MESP1: variants seen among roughly 807,000 people sequenced by gnomAD.
MESP1 encodes mesoderm posterior bHLH transcription factor 1, also known as mesoderm posterior protein 1.
Under a neutral mutation model 15.2 loss-of-function variants are expected in MESP1, and 22 were observed. The observed-to-expected ratio is 1.45, with a 90% confidence interval of 1.04 to 2.07. The LOEUF is 2.07. Among genes scored for constraint, MESP1 ranks in the 30% most tolerant of loss-of-function variants. The pLI, the probability that MESP1 is intolerant of heterozygous loss-of-function variation, is 0.00. For missense variants in MESP1, 484 were observed against 411.9 expected (o/e 1.17, Z -1.51); for synonymous variants, 216 against 192.6 (o/e 1.12, Z -1.01).
At chr15:89,746,437 C>CCGCATCCACAT (rs903237335), downstream of MESP1, among the ~76,000 whole-genome samples, 5 of 151,198 alleles carry the variant, frequency 3.3e-5, no homozygotes, top group Non-Finnish European at 5.9e-5. Flanking sequence ...CGCATCCACA[C>CCGCATCCACAT]CTCCACACAG....
chr15:89,750,456 G>T (rs1968062750), intron 1 of MESP1, 53 bp downstream of exon 1: 5 of 1,468,516 alleles, frequency 3.4e-6, no homozygotes, highest in Non-Finnish European at 4.5e-6. Flanking sequence ...GGCGGGCGGT[G>T]GGGCTGTGCG....
the MESP1 span, among the ~76,000 whole-genome samples, chr15:89,736,511 C>G: frequency 6.6e-6 from 1 of 152,036 alleles, no homozygotes; most frequent in East Asian, 1.9e-4. Flanking sequence ...CCCATGGGCA[C>G]TACCATCACT....
At position 89,750,609 on chromosome 15, in the gene MESP1, G is replaced by A; in HGVS notation, c.623C>T (p.Pro208Leu). The A allele has an allele frequency of 2.1e-6, 3 of 1,395,962 alleles. No individual in the cohort carries two copies. The highest frequency in any genetic ancestry group is 2.8e-6 in the Non-Finnish European group (3 of 1,083,952). 86.5% of individuals were successfully genotyped at this position (1,395,962 alleles called of 1,614,324 possible). The stretch of plus-strand genomic sequence containing the variant: ...CGGCTCGGGTGCAGCTCGGGCTCCG[G>A]GGCAGGCAGGCGGGGATCCCCAGGA... ...GASWGSPPAC[P>L]GARAAPEPRD... is the part of the protein sequence containing the mutation. The change falls in exon 1 of 2, where the codon CCC becomes CTC. Residue 208 changes from proline (P) to leucine (L), a missense_variant. Transcript: ENST00000300057.
chr15:89,738,290 G>A, the MESP1 span: 5 of 1,510,982 alleles, frequency 3.3e-6, no homozygotes, highest in Admixed American at 2.2e-5. Flanking sequence ...TCTCTGGATT[G>A]AGGGATAGTG....
At chr15:89,749,202 T>G (rs1277697928), downstream of MESP1, 2 of 152,052 alleles carry the variant, frequency 1.3e-5, no homozygotes, top group African/African-American at 4.8e-5. Context: ...GGGCCCCTCA[T>G]CTCACCCCAT....
the MESP1 span, chr15:89,733,160 C>T: frequency 6.2e-7 from 1 of 1,614,146 alleles, no homozygotes; most frequent in Middle Eastern, 1.6e-4. Flanking sequence ...CAGACGCCTC[C>T]CTCCATCTGG....
chr15:89,746,840 C>CACACACACAGCCCTGCCTCT, downstream of MESP1, among the ~76,000 whole-genome samples: 2 of 139,484 alleles, frequency 1.4e-5, no homozygotes, highest in African/African-American at 5.9e-5. Context: ...GCCCCGCCTC[C>CACACACACAGCCCTGCCTCT]ACACACACAG....
the MESP1 span, among the ~76,000 whole-genome samples, chr15:89,735,279 C>T: frequency 2.0e-5 from 3 of 152,108 alleles, no homozygotes; most frequent in Non-Finnish European, 2.9e-5. Context: ...TTTTCATTAC[C>T]ATATTATATT....
the MESP1 span, among the ~76,000 whole-genome samples, chr15:89,741,642 C>G: frequency 0.038 from 5,773 of 152,222 alleles, 399 homozygotes; most frequent in African/African-American, 0.13. Flanking sequence ...AGAGGCAAAT[C>G]AACACAAAAT....
At chr15:89,748,349 C>A (rs1968013644), downstream of MESP1, among the ~76,000 whole-genome samples, 3 of 152,114 alleles carry the variant, frequency 2.0e-5, no homozygotes, top group South Asian at 6.2e-4. Flanking sequence ...CTTTTGGAGC[C>A]CACTCTGTGG....
chr15:89,743,484 C>A, the MESP1 span: 2 of 1,179,134 alleles, frequency 1.7e-6, no homozygotes, highest in South Asian at 1.3e-5. Context: ...GTAACAGAGC[C>A]ACAGCTCCAC....
At position 89,750,879 on chromosome 15, in the gene MESP1, T is replaced by C. The variant is rs1968079020; in HGVS notation, c.353A>G (p.Gln118Arg). Residue 118 changes from glutamine (Q) to arginine (R), a missense_variant, in exon 1 of 2, where the codon CAG (glutamine) becomes CGG (arginine). Transcript: ENST00000300057. ...FLPPSVAPAG[Q>R]SLTKIETLRL... The stretch of plus-strand genomic sequence containing the variant: ...CAGCGTCTCGATCTTGGTCAGGCTC[T>C]GGCCCGCGGGCGCCACGGACGGCGG... 3 of 1,510,142 alleles carry C rather than the reference T, an allele frequency of 2.0e-6. No homozygotes were observed. Among genetic ancestry groups the C allele is most frequent in the Non-Finnish European group, 2.6e-6 (3 of 1,135,424 alleles). The allele number at this position is 1,510,142 out of a possible 1,614,324, so 93.5% of individuals were successfully genotyped here.
At chr15:89,734,737 C>T in the MESP1 span, among the ~76,000 whole-genome samples, 1 of 152,218 alleles carries the variant, frequency 6.6e-6, no homozygotes, top group South Asian at 2.1e-4. Flanking sequence ...GTAATCCAAG[C>T]ACTTTGGGAG....
the MESP1 span, among the ~76,000 whole-genome samples, chr15:89,739,396 T>C: frequency 1.3e-5 from 2 of 152,182 alleles, no homozygotes; most frequent in East Asian, 1.9e-4. Context: ...CTAAGACCCC[T>C]TTCTTTTACC....
the MESP1 span, chr15:89,737,829 C>A: frequency 6.6e-7 from 1 of 1,518,174 alleles, no homozygotes; most frequent in Non-Finnish European, 9.0e-7. Flanking sequence ...CACTCTGTGT[C>A]CCCCTCTACC....
At chr15:89,739,885 G>A in the MESP1 span, among the ~76,000 whole-genome samples, 1 of 151,982 alleles carries the variant, frequency 6.6e-6, no homozygotes, top group African/African-American at 2.4e-5. Context: ...CCCTTTCTCT[G>A]TGTAGACTGT....
chr15:89,733,948 T>C, the MESP1 span, among the ~76,000 whole-genome samples: 7 of 152,146 alleles, frequency 4.6e-5, no homozygotes, highest in African/African-American at 1.4e-4. Context: ...CTCTCTCTCT[T>C]TTAAACATTT....
At chr15:89,743,234 G>C in the MESP1 span, 1 of 1,577,010 alleles carries the variant, frequency 6.3e-7, no homozygotes, top group Non-Finnish European at 8.7e-7. Flanking sequence ...TGCCCTGGGG[G>C]CTCGGGAGCT....
the MESP1 span, chr15:89,737,730 G>A: frequency 1.2e-6 from 2 of 1,614,138 alleles, no homozygotes; most frequent in East Asian, 2.2e-5. Context: ...CTGCTCCGAG[G>A]TACAGAAAGG....
Sources: gnomAD v4.1 joint callset for allele counts (sites outside exome capture counted in the v4.1 genomes callset) on GRCh38, gnomAD v4.1.1 for gene constraint, MANE v1.5 for transcripts, NCBI Gene and HGNC (gene_info 2026-07-23, HGNC 2026-07-21) for gene names.